The following ZDHHC7 variants were observed in gnomAD, a reference collection of about 807,000 sequenced individuals.
ZDHHC7 encodes zDHHC palmitoyltransferase 7, also known as palmitoyltransferase ZDHHC7.
A neutral mutation model predicts 34.1 loss-of-function variants in ZDHHC7; 12 were observed. The observed-to-expected ratio is 0.35, with a 90% CI of 0.23 to 0.57. ZDHHC7 has a LOEUF of 0.57. ZDHHC7 is among the 20% of genes least tolerant of loss of function. ZDHHC7 has a pLI of 0.84. For missense variants in ZDHHC7, 388 were observed against 402.7 expected (o/e 0.96, Z 0.31); for synonymous variants, 185 against 155.4 (o/e 1.19, Z -1.42).
intron 3 of ZDHHC7, among the ~76,000 whole-genome samples, chr16:84,987,353 G>A (rs1032871387): frequency 2.0e-5 from 3 of 152,200 alleles, no homozygotes; most frequent in East Asian, 1.9e-4. Context: ...AGTGAGATAC[G>A]GCGTCACAAA....
intron 4 of ZDHHC7, among the ~76,000 whole-genome samples, chr16:84,979,486 A>G (rs1001329510): frequency 4.6e-5 from 7 of 152,172 alleles, no homozygotes; most frequent in African/African-American, 1.4e-4. Flanking sequence ...AAAATACTCA[A>G]TGGACCAACA....
At chr16:85,025,544 G>A in the ZDHHC7 span, among the ~76,000 whole-genome samples, 20 of 152,214 alleles carry the variant, frequency 1.3e-4, no homozygotes, top group African/African-American at 4.8e-4. Flanking sequence ...CGAGTAGCTG[G>A]GACTACAGGC....
intron 5 of ZDHHC7, 51 bp from the exon 6 acceptor site, chr16:84,978,056 G>C (rs762021757): frequency 6.9e-7 from 1 of 1,455,868 alleles, no homozygotes. Flanking sequence ...ATTTTTTTTA[G>C]AAACAGAGTC....
intron 2 of ZDHHC7, 47 bp from the exon 3 acceptor site, chr16:84,990,682 A>T: frequency 6.7e-7 from 1 of 1,499,900 alleles, no homozygotes; most frequent in South Asian, 1.2e-5. Flanking sequence ...AAAAGCTCAC[A>T]AGCTACCTTA....
At chr16:85,024,446 T>A in the ZDHHC7 span, among the ~76,000 whole-genome samples, 1 of 152,156 alleles carries the variant, frequency 6.6e-6, no homozygotes, top group Non-Finnish European at 1.5e-5. Context: ...TTGGCCAGGC[T>A]GGTCTTGAAC....
chr16:84,993,130 C>T (rs1240731758), intron 2 of ZDHHC7, among the ~76,000 whole-genome samples: 1 of 152,106 alleles, frequency 6.6e-6, no homozygotes, highest in Non-Finnish European at 1.5e-5. Context: ...TGAGATCAGC[C>T]TGGGCAACAG....
Position 84,979,082 on chromosome 16 carries a change from C to G in ZDHHC7, c.537+107G>C, listed in dbSNP as rs1249501500. On this transcript the variant is annotated intron_variant, in intron 5 of 7. Coordinates refer to ENST00000313732, the MANE Select transcript of ZDHHC7 (RefSeq NM_017740.3). ...TATAATTTGAATCCTGGAGAAAAGG[C>G]TGGAGAGAAACTGGCCTGACGTTAG... The G allele has an allele frequency of 3.7e-6, 4 of 1,087,964 alleles. No homozygotes were observed. The Admixed American group carries it at 9.5e-5, about 26-fold the overall frequency. The allele number at this position is 1,087,964 out of a possible 1,614,324, so 67.4% of individuals were successfully genotyped here. A position where few individuals can be genotyped will look rare whatever the true frequency, so the allele number is the denominator to read the frequency against.
chr16:84,994,419 G>C (rs544463535), intron 2 of ZDHHC7, among the ~76,000 whole-genome samples: 1 of 152,178 alleles, frequency 6.6e-6, no homozygotes, highest in African/African-American at 2.4e-5. Context: ...AATAGGACAC[G>C]TTCCATGAGA....
At chr16:84,993,259 T>A (rs530540761) in intron 2 of ZDHHC7, among the ~76,000 whole-genome samples, 66 of 152,150 alleles carry the variant, frequency 4.3e-4, no homozygotes, top group African/African-American at 1.5e-3. Context: ...AGGTGGAGGC[T>A]GCAGTGAGCC....
rs113086877 is a variant in ZDHHC7, at chr16:85,011,520, T to G, written c.-338A>C. 0.034 allele frequency: 5,174 copies of G among 152,060 alleles called. 120 individuals carry two copies. The highest frequency in any genetic ancestry group is 0.051 in the Non-Finnish European group (3,463 of 68,016). The allele number at this position is 152,060 out of a possible 1,614,324, so 9.4% of individuals were successfully genotyped here. A position where few individuals can be genotyped will look rare whatever the true frequency, so the allele number is the denominator to read the frequency against. The stretch of plus-strand genomic sequence containing the variant: ...GAGCCTTGGCTGGAGAGCGGGGCGG[T>G]GCGAGCGCCGGAAGTGAACCCGACG... On this transcript the variant is annotated 5_prime_UTR_variant, in exon 1 of 8. Transcript: ENST00000313732.
At chr16:85,000,340 C>T (rs2072637895) in intron 1 of ZDHHC7, among the ~76,000 whole-genome samples, 1 of 152,158 alleles carries the variant, frequency 6.6e-6, no homozygotes, top group Non-Finnish European at 1.5e-5. Flanking sequence ...CAGACCCTGT[C>T]TTGGATTTAC....
intron 1 of ZDHHC7, among the ~76,000 whole-genome samples, chr16:85,010,652 T>C (rs1205363286): frequency 6.6e-6 from 1 of 151,646 alleles, no homozygotes; most frequent in East Asian, 1.9e-4. Context: ...CACAATAAAC[T>C]GGTTCTTCAT....
In ZDHHC7 at chr16:84,990,207, T is replaced by C. The variant is rs2072489949; in HGVS notation, c.315+97A>G. Reference sequence around the variant, plus strand: ...CTTTCTTGTTCCACACCCATGTCAATATGTCCCTGTGCACTGCTTCCTCCA... The same window carrying C: ...CTTTCTTGTTCCACACCCATGTCAACATGTCCCTGTGCACTGCTTCCTCCA... On this transcript the variant is annotated intron_variant, in intron 3 of 7. Transcript: ENST00000313732. 5 of 1,381,168 alleles carry C rather than the reference T, an allele frequency of 3.6e-6. No individual in the cohort carries two copies. The South Asian group carries it at 4.1e-5, about 11-fold the overall frequency. 85.6% of individuals were successfully genotyped at this position (1,381,168 alleles called of 1,614,324 possible). A position where few individuals can be genotyped will look rare whatever the true frequency, so the allele number is the denominator to read the frequency against.
At position 85,010,467 on chromosome 16, in the gene ZDHHC7, G is replaced by C. The variant is rs149039892; in HGVS notation, c.-104+819C>G. Among the ~76,000 whole-genome samples the C allele has an allele frequency of 2.4e-4, 37 of 152,276 alleles. No homozygotes were observed. In the East Asian group the frequency reaches 6.2e-3, roughly 25 times the overall value. On this transcript the variant is annotated intron_variant, in intron 1 of 7. Transcript: ENST00000313732. ...ATTGACCTAAATCTCTAAACCCCTT[G>C]GGATAGTAACAGTAAAATAGATAAA...
At chr16:84,985,113 C>T (rs1027854782) in intron 3 of ZDHHC7, among the ~76,000 whole-genome samples, 3 of 152,220 alleles carry the variant, frequency 2.0e-5, no homozygotes, top group Admixed American at 1.3e-4. Flanking sequence ...CCATAGGCTC[C>T]AGGCCATGGG....
At chr16:85,010,600 G>A (rs1597569501) in intron 1 of ZDHHC7, among the ~76,000 whole-genome samples, 1 of 152,222 alleles carries the variant, frequency 6.6e-6, no homozygotes, top group South Asian at 2.1e-4. Context: ...TACAAGGCAG[G>A]TAGCCGCATC....
chr16:85,017,564 A>G, the ZDHHC7 span, among the ~76,000 whole-genome samples: 2 of 152,226 alleles, frequency 1.3e-5, no homozygotes, highest in African/African-American at 4.8e-5. Flanking sequence ...AATGTCCATG[A>G]ACAGAATGAA....
intron 1 of ZDHHC7, among the ~76,000 whole-genome samples, chr16:85,007,554 G>A (rs1209051081): frequency 6.6e-6 from 1 of 151,804 alleles, no homozygotes; most frequent in African/African-American, 2.4e-5. Flanking sequence ...AAAAAGGCAA[G>A]AGATAGTAAA....
At chr16:85,027,494 T>A in the ZDHHC7 span, among the ~76,000 whole-genome samples, 13 of 152,156 alleles carry the variant, frequency 8.5e-5, no homozygotes, top group South Asian at 2.7e-3. Flanking sequence ...AATAACCCAC[T>A]CACCTGTTTG....
Sources: allele counts gnomAD v4.1 joint callset (sites outside exome capture counted in the v4.1 genomes callset), GRCh38; gene constraint gnomAD v4.1.1; transcripts MANE v1.5; gene names NCBI Gene and HGNC (gene_info 2026-07-23, HGNC 2026-07-21).